The following RIMS1 variants were observed in gnomAD, a reference collection of about 807,000 sequenced individuals.
RIMS1 encodes regulating synaptic membrane exocytosis 1.
In RIMS1, 83 loss-of-function variants were observed where a neutral mutation model predicts 214.1. That is an observed-to-expected ratio of 0.39 (90% CI 0.32 to 0.47). The LOEUF is 0.47. Among genes scored for constraint, RIMS1 ranks in the 20% least tolerant of loss-of-function variants. The pLI is 0.99. For synonymous variants in RIMS1, 793 were observed against 786.8 expected, an observed-to-expected ratio of 1.01 and a Z score of -0.13; for missense variants, 2,050 against 2,161.8, an observed-to-expected ratio of 0.95 and a Z score of 1.03.
intron 7 of RIMS1, 38 bp from the exon 8 acceptor site, chr6:72,235,580 G>A (rs745319950): frequency 1.4e-5 from 18 of 1,314,560 alleles, no homozygotes; most frequent in East Asian, 4.8e-5. Context: ...ATTACATTCT[G>A]TATATATTAC....
intron 29 of RIMS1, among the ~76,000 whole-genome samples, chr6:72,387,135 G>A (rs1206579096): frequency 6.6e-6 from 1 of 151,876 alleles, no homozygotes; most frequent in African/African-American, 2.4e-5. Context: ...CTCGAGCAGT[G>A]TATGACACAT....
intron 4 of RIMS1, among the ~76,000 whole-genome samples, chr6:72,122,579 G>C (rs781764627): frequency 6.6e-6 from 1 of 151,880 alleles, no homozygotes; most frequent in Non-Finnish European, 1.5e-5. Flanking sequence ...GCCTCTGGTG[G>C]AATTTGGCTG....
intron 2 of RIMS1, among the ~76,000 whole-genome samples, chr6:72,049,361 G>A (rs749935748): frequency 9.2e-5 from 14 of 152,068 alleles, no homozygotes; most frequent in Non-Finnish European, 1.5e-4. Context: ...TAGCATGAGG[G>A]CAGAGATGAC....
chr6:72,266,228 A>G (rs923872182), intron 22 of RIMS1, 179 bp downstream of exon 22: 6 of 637,744 alleles, frequency 9.4e-6, no homozygotes, highest in Non-Finnish European at 1.7e-5. Flanking sequence ...ATGTGGATAA[A>G]CCCAAGGGTA....
chr6:71,990,483 G>A (rs1309969573), intron 2 of RIMS1, among the ~76,000 whole-genome samples: 3 of 152,064 alleles, frequency 2.0e-5, no homozygotes, highest in Non-Finnish European at 4.4e-5. Context: ...TAAGACTGTG[G>A]TCAGCTATTA....
At chr6:72,191,330 C>G (rs1364033197) in intron 6 of RIMS1, among the ~76,000 whole-genome samples, 4 of 152,224 alleles carry the variant, frequency 2.6e-5, no homozygotes, top group East Asian at 1.9e-4. Context: ...AATATCTTGA[C>G]AAGCCCCACA....
chr6:72,300,862 G>A (rs11751326), intron 26 of RIMS1, among the ~76,000 whole-genome samples: 29,264 of 151,632 alleles, frequency 0.19, 3,536 homozygotes, highest in Non-Finnish European at 0.27. Flanking sequence ...AATGGGAATA[G>A]GTGTGCTAAA....
At chr6:72,371,132 CTGTGTCTGTA>C (rs2098203601) in intron 29 of RIMS1, among the ~76,000 whole-genome samples, 1 of 151,890 alleles carries the variant, frequency 6.6e-6, no homozygotes, top group Non-Finnish European at 1.5e-5. Flanking sequence ...CTCTGTGTGT[CTGTGTCTGTA>C]TGTGTATGTA....
chr6:71,887,200 C>T lies in RIMS1; in HGVS notation c.164+13C>T, dbSNP rs372776213. The stretch of plus-strand genomic sequence containing the variant: ...AAGCCATGCTCAAGTAAGCCAGCCC[C>T]AGCCGCGCCATCCATGCCTCCGTGC... On this transcript the variant is annotated intron_variant, in intron 1 of 33. Transcript: ENST00000521978. 39 of 1,597,888 alleles carry T rather than the reference C, an allele frequency of 2.4e-5. 1 individual carries two copies. The highest frequency in any genetic ancestry group is 1.7e-4 in the Middle Eastern group (1 of 6,050).
At chr6:72,294,948 C>T (rs2093903228) in intron 26 of RIMS1, among the ~76,000 whole-genome samples, 1 of 151,678 alleles carries the variant, frequency 6.6e-6, no homozygotes. Flanking sequence ...AAAGCAAAGA[C>T]TTCCACAAAA....
rs1429333427 is a variant in RIMS1 at position 72,099,975 on chromosome 6, G to C, written c.460G>C (p.Glu154Gln). 2 of 1,605,868 alleles carry C rather than the reference G, an allele frequency of 1.2e-6. No individual in the cohort carries two copies. Among genetic ancestry groups the C allele is most frequent in the Non-Finnish European group, 1.7e-6 (2 of 1,173,644 alleles). The change falls in exon 4 of 34, where the codon GAG becomes CAG. Residue 154 changes from glutamate (E) to glutamine (Q), a missense_variant and splice_region_variant. Around this residue, in one of 6 missense-constraint regions of RIMS1, gnomAD observed 882 missense variants for 828.9 expected, o/e 1.06. Transcript: ENST00000521978. ...TGCTTCCTTGGATGCTTTCCCAAAG[G>C]AGGACAAAGTGGTTAGAATCCATAC... ...GGRVSLRSNN[E>Q]DKVVMWVCNL...
chr6:72,087,925 C>G (rs1014069493), intron 2 of RIMS1, among the ~76,000 whole-genome samples: 1 of 152,174 alleles, frequency 6.6e-6, no homozygotes, highest in Non-Finnish European at 1.5e-5. Flanking sequence ...ATTGTGTAAG[C>G]TGAACCAATT....
At chr6:71,973,432 C>T (rs1235908107) in intron 2 of RIMS1, among the ~76,000 whole-genome samples, 1 of 152,146 alleles carries the variant, frequency 6.6e-6, no homozygotes, top group Non-Finnish European at 1.5e-5. Context: ...GTCAATGGGG[C>T]TCCGGGTGGG....
chr6:72,041,489 A>C (rs548605671), intron 2 of RIMS1, among the ~76,000 whole-genome samples: 26 of 151,986 alleles, frequency 1.7e-4, no homozygotes, highest in South Asian at 6.2e-4. Context: ...AATGAGATCA[A>C]ACTCTTTTCT....
Position 72,162,807 on chromosome 6 carries a change from G to A in RIMS1, c.472-16768G>A, listed in dbSNP as rs185457641. Among the ~76,000 whole-genome samples the A allele has an allele frequency of 3.7e-3, 523 of 139,922 alleles. 43 individuals are homozygous for A. The highest frequency in any genetic ancestry group is 0.012 in the African/African-American group (471 of 40,634). 91.8% of individuals were successfully genotyped at this position (139,922 alleles called of 152,430 possible). A position where few individuals can be genotyped will look rare whatever the true frequency, so the allele number is the denominator to read the frequency against. ...TGTGGGTAACCTGACCTTTCTCTCT[G>A]GCTGCCCTTAACATTTTTTCCTTCA... On this transcript the variant is annotated intron_variant, in intron 4 of 33. Coordinates refer to ENST00000521978, the MANE Select transcript of RIMS1 (RefSeq NM_014989.7).
At chr6:72,188,231 C>T (rs1441730377) in intron 6 of RIMS1, among the ~76,000 whole-genome samples, 1 of 152,196 alleles carries the variant, frequency 6.6e-6, no homozygotes, top group Non-Finnish European at 1.5e-5. Flanking sequence ...TCAATCCTGT[C>T]AAGTTGACAC....
intron 30 of RIMS1, among the ~76,000 whole-genome samples, chr6:72,392,466 A>G (rs1272293771): frequency 6.6e-6 from 1 of 152,190 alleles, no homozygotes; most frequent in Non-Finnish European, 1.5e-5. Flanking sequence ...ACTATAACTG[A>G]GCCCTCTTGA....
At chr6:72,189,947 C>T (rs1477310614) in intron 6 of RIMS1, among the ~76,000 whole-genome samples, 4 of 152,236 alleles carry the variant, frequency 2.6e-5, no homozygotes, top group Non-Finnish European at 4.4e-5. Context: ...GTTCCATCCA[C>T]GTACCTCTTC....
At chr6:72,343,508 TTTTTTTTTG>T (rs1016326236) in intron 29 of RIMS1, among the ~76,000 whole-genome samples, 1 of 134,272 alleles carries the variant, frequency 7.4e-6, no homozygotes, top group African/African-American at 2.8e-5. Context: ...TTTTTTTTTT[TTTTTTTTTG>T]TGTGTGTGGT....
Sources: gnomAD v4.1 joint callset for allele counts (sites outside exome capture counted in the v4.1 genomes callset) on GRCh38, gnomAD v4.1.1 for gene constraint, gnomAD v4.1.1 regional missense constraint, MANE v1.5 for transcripts, NCBI Gene and HGNC (gene_info 2026-07-23, HGNC 2026-07-21) for gene names.